Variants in POLN observed in about 807,000 individuals in gnomAD.
POLN encodes the protein DNA polymerase N.
A neutral mutation model predicts 113.5 loss-of-function variants in POLN; 108 were observed. The observed-to-expected ratio is 0.95, with a 90% CI of 0.81 to 1.12. The LOEUF is 1.12. Ranked by LOEUF, POLN falls within the 50% of genes most tolerant of loss-of-function variation. The pLI is 0.00. For missense variants in POLN, 1,097 were observed against 1,077.1 expected (o/e 1.02, Z -0.26); for synonymous variants, 386 against 391.5 (o/e 0.99, Z 0.17).
chr4:2,231,933 T>A (rs1734592997), intron 2 of POLN: 7 of 1,305,558 alleles, frequency 5.4e-6, no homozygotes, highest in Non-Finnish European at 7.6e-6. Context: ...ATTTTCAATC[T>A]TCAAGACTAA....
intron 19 of POLN, among the ~76,000 whole-genome samples, chr4:2,096,292 G>T (rs1405196461): frequency 6.6e-6 from 1 of 152,214 alleles, no homozygotes; most frequent in Non-Finnish European, 1.5e-5. Flanking sequence ...TGTGTCTGCT[G>T]CAGTGGGGGA....
chr4:2,178,635 A>G (rs1441214116), intron 8 of POLN, among the ~76,000 whole-genome samples: 1 of 150,042 alleles, frequency 6.7e-6, no homozygotes, highest in African/African-American at 2.5e-5. Context: ...TTTTTGAGAC[A>G]GAGTCTCACT....
intron 22 of POLN, 182 bp downstream of exon 22, chr4:2,081,451 G>C: frequency 1.5e-6 from 1 of 655,326 alleles, no homozygotes; most frequent in Non-Finnish European, 2.7e-6. Flanking sequence ...AGATGACCGT[G>C]TCCCCTCATG....
intron 19 of POLN, among the ~76,000 whole-genome samples, chr4:2,113,241 TG>T (rs1731239766): frequency 2.3e-5 from 1 of 43,946 alleles, no homozygotes; most frequent in Non-Finnish European, 4.0e-5. Context: ...TGTTGCAGGG[TG>T]GGGGGAGGGG....
chr4:2,088,645 G>A, intron 20 of POLN: 1 of 678,308 alleles, frequency 1.5e-6, no homozygotes, highest in Non-Finnish European at 2.1e-6. Flanking sequence ...ATAATATAAA[G>A]TGATCCTCTA....
intron 7 of POLN, among the ~76,000 whole-genome samples, chr4:2,181,270 G>C (rs562976350): frequency 6.6e-6 from 1 of 151,960 alleles, no homozygotes; most frequent in Non-Finnish European, 1.5e-5. Context: ...TCAGCCTCCC[G>C]AGTAGCTGGG....
chr4:2,197,754 C>T (rs1035164014), intron 6 of POLN, among the ~76,000 whole-genome samples: 2 of 152,174 alleles, frequency 1.3e-5, no homozygotes, highest in Non-Finnish European at 2.9e-5. Context: ...CCTAAAATCA[C>T]CCAGAGCCCA....
rs572282374 is a variant in POLN at position 2,119,757 on chromosome 4, A to T, written c.1982+8356T>A. ...TCTTGCTGCTTTTTTACCACATGCT[A>T]TTCTAGTCCTCTGCTTGGAACATAA... On this transcript the variant is annotated intron_variant, in intron 19 of 25. Coordinates refer to ENST00000511885, the MANE Select transcript of POLN (RefSeq NM_181808.4). Among the ~76,000 whole-genome samples, 4 of 152,258 alleles carry T rather than the reference A, an allele frequency of 2.6e-5. No individual in the cohort carries two copies. In the South Asian group the frequency reaches 8.3e-4, roughly 32 times the overall value.
At chr4:2,079,577 TGA>T (rs996424081) in intron 23 of POLN, 79 of 985,378 alleles carry the variant, frequency 8.0e-5, no homozygotes, top group African/African-American at 1.7e-4. Flanking sequence ...AGGAGAGGAC[TGA>T]GAGTGAATCT....
At chr4:2,195,934 C>T (rs1354146665) in intron 6 of POLN, among the ~76,000 whole-genome samples, 1 of 152,026 alleles carries the variant, frequency 6.6e-6, no homozygotes, top group Non-Finnish European at 1.5e-5. Flanking sequence ...AATCAATGGA[C>T]AAAACCATTA....
chr4:2,110,725 C>T (rs923799727), intron 19 of POLN, among the ~76,000 whole-genome samples: 2 of 152,114 alleles, frequency 1.3e-5, no homozygotes, highest in East Asian at 1.9e-4. Context: ...CAATAACAGG[C>T]TCTGAAAATG....
chr4:2,229,260 CATAAG>C lies in POLN; in HGVS notation c.-12-22_-12-18del. The C allele has an allele frequency of 6.4e-7, 1 of 1,559,796 alleles. No homozygotes were observed. Among genetic ancestry groups the C allele is most frequent in the Non-Finnish European group, 8.7e-7 (1 of 1,147,446 alleles). Reference sequence around the variant, plus strand: ...CACAAAATCCTAAATGTAAGATTAACATAAGATAAATCCCATATATTAATCCTAAG... The same window carrying C: ...CACAAAATCCTAAATGTAAGATTAACATAAATCCCATATATTAATCCTAAG... On this transcript the variant is annotated intron_variant, in intron 2 of 25. Coordinates refer to ENST00000511885, the MANE Select transcript of POLN (RefSeq NM_181808.4).
chr4:2,073,846 A>T (rs1730211628), intron 24 of POLN, among the ~76,000 whole-genome samples: 1 of 152,122 alleles, frequency 6.6e-6, no homozygotes, highest in Non-Finnish European at 1.5e-5. Context: ...GTGTGTCCTG[A>T]GCAGGGCCAG....
At chr4:2,096,724 G>C (rs1004263616) in intron 19 of POLN, among the ~76,000 whole-genome samples, 1 of 145,438 alleles carries the variant, frequency 6.9e-6, no homozygotes, top group Admixed American at 6.7e-5. Context: ...GAGAGAGAGA[G>C]AGAGAGACAC....
intron 13 of POLN, among the ~76,000 whole-genome samples, chr4:2,168,815 G>C (rs756609580): frequency 6.6e-6 from 1 of 152,174 alleles, no homozygotes; most frequent in African/African-American, 2.4e-5. Context: ...AGTGCTCCAC[G>C]AACACACCAC....
intron 19 of POLN, among the ~76,000 whole-genome samples, chr4:2,119,722 G>A (rs948388307): frequency 6.6e-6 from 1 of 152,108 alleles, no homozygotes; most frequent in Non-Finnish European, 1.5e-5. Context: ...ATTTTTAAGA[G>A]TGTATTTGAT....
intron 4 of POLN, among the ~76,000 whole-genome samples, chr4:2,209,072 T>C (rs1733927014): frequency 6.6e-6 from 1 of 152,202 alleles, no homozygotes; most frequent in African/African-American, 2.4e-5. Flanking sequence ...TAGGATTATG[T>C]TGCATATGTG....
chr4:2,154,851 G>T (rs1413793938), intron 16 of POLN, among the ~76,000 whole-genome samples: 2 of 152,202 alleles, frequency 1.3e-5, no homozygotes, highest in Non-Finnish European at 2.9e-5. Flanking sequence ...CTGTTAAAAA[G>T]ATGACACAAA....
In POLN at chr4:2,145,595, A is replaced by C. The variant is rs1175297836; in HGVS notation, c.1731+11193T>G. Among the ~76,000 whole-genome samples the C allele has an allele frequency of 3.9e-5, 6 of 152,358 alleles. No individual in the cohort carries two copies. The East Asian group carries it at 1.2e-3, about 29-fold the overall frequency. Reference sequence around the variant, plus strand: ...AAAGTAATGTGAATTAAGTCACAATAAGATACTAATCCACACTCATCAAAT... The same window carrying C: ...AAAGTAATGTGAATTAAGTCACAATCAGATACTAATCCACACTCATCAAAT... On this transcript the variant is annotated intron_variant, in intron 16 of 25. Transcript: ENST00000511885.
Sources: allele counts gnomAD v4.1 joint callset (sites outside exome capture counted in the v4.1 genomes callset), GRCh38; gene constraint gnomAD v4.1.1; transcripts MANE v1.5; gene names NCBI Gene and HGNC (gene_info 2026-07-23, HGNC 2026-07-21).